Variants in ZNF536 observed in about 807,000 individuals in gnomAD.
ZNF536 encodes zinc finger protein 536.
ZNF536 carries 13 observed loss-of-function variants against 84.5 expected under a neutral mutation model. The observed-to-expected ratio is 0.15, with a 90% confidence interval of 0.10 to 0.24. The LOEUF (loss-of-function observed/expected upper bound fraction) is 0.24. Among genes scored for constraint, ZNF536 ranks in the 10% least tolerant of loss-of-function variants. The pLI, the probability that ZNF536 is intolerant of heterozygous loss-of-function variation, is 1.00. For missense variants in ZNF536, 1,536 were observed against 1,747.5 expected, an observed-to-expected ratio of 0.88 and a Z score of 2.16; for synonymous variants, 811 against 742.5, an observed-to-expected ratio of 1.09 and a Z score of -1.50.
chr19:30,528,043 A>T (rs551868194), intron 2 of ZNF536, among the ~76,000 whole-genome samples: 1 of 152,302 alleles, frequency 6.6e-6, no homozygotes, highest in South Asian at 2.1e-4. Flanking sequence ...GAATTAACTG[A>T]CAACTCATCT....
At chr19:30,289,436 A>G (rs2045756990) in intron 2 of ZNF536, among the ~76,000 whole-genome samples, 1 of 151,836 alleles carries the variant, frequency 6.6e-6, no homozygotes, top group Admixed American at 6.6e-5. Flanking sequence ...ATCACTGACC[A>G]CTCCAAGGAG....
At chr19:30,638,181 G>A (rs957247513) in intron 1 of ZNF536, among the ~76,000 whole-genome samples, 22 of 152,226 alleles carry the variant, frequency 1.4e-4, no homozygotes, top group Non-Finnish European at 1.0e-4. Flanking sequence ...CCAGGCCAGG[G>A]TGGCTGGTCT....
At chr19:30,629,676 C>A (rs1425094724) in intron 1 of ZNF536, among the ~76,000 whole-genome samples, 1 of 152,238 alleles carries the variant, frequency 6.6e-6, no homozygotes, top group African/African-American at 2.4e-5. Flanking sequence ...GGTGCTATGA[C>A]CTGTCCCTCA....
At chr19:30,459,286 T>C (rs2148403156) in intron 2 of ZNF536, among the ~76,000 whole-genome samples, 1 of 151,882 alleles carries the variant, frequency 6.6e-6, no homozygotes, top group Non-Finnish European at 1.5e-5. Context: ...GGGTACATCT[T>C]TCTTTTTCTT....
intron 1 of ZNF536, among the ~76,000 whole-genome samples, chr19:30,672,421 C>T (rs2050594266): frequency 6.6e-6 from 1 of 152,176 alleles, no homozygotes; most frequent in Non-Finnish European, 1.5e-5. Flanking sequence ...AAACCAGATG[C>T]TAAGAGGGCT....
intron 1 of ZNF536, among the ~76,000 whole-genome samples, chr19:30,389,562 A>G (rs1275755907): frequency 3.3e-5 from 5 of 152,140 alleles, no homozygotes; most frequent in African/African-American, 1.2e-4. Context: ...GGGCTGTATT[A>G]TGGTGACACT....
chr19:30,471,026 G>T (rs187862171), intron 2 of ZNF536, among the ~76,000 whole-genome samples: 199 of 146,782 alleles, frequency 1.4e-3, no homozygotes, highest in African/African-American at 4.6e-3. Context: ...TCGCTATGTT[G>T]CCCAGGCTTA....
At chr19:30,342,900 TAG>T (rs1387788865) in intron 2 of ZNF536, among the ~76,000 whole-genome samples, 2 of 152,222 alleles carry the variant, frequency 1.3e-5, no homozygotes, top group African/African-American at 4.8e-5. Context: ...ATAAAGGCGG[TAG>T]AGAGGTCAAC....
At chr19:30,570,527 A>G (rs1244957703) in intron 1 of ZNF536, among the ~76,000 whole-genome samples, 4 of 152,210 alleles carry the variant, frequency 2.6e-5, no homozygotes, top group Admixed American at 1.3e-4. Context: ...GTCACTCAGC[A>G]TAAGTACCAA....
intron 2 of ZNF536, among the ~76,000 whole-genome samples, chr19:30,501,917 G>C (rs2054966063): frequency 6.6e-6 from 1 of 152,166 alleles, no homozygotes; most frequent in South Asian, 2.1e-4. Context: ...AGGCATAAAT[G>C]GGCTAAGGGA....
chr19:30,418,478 A>G (rs1311626600), intron 1 of ZNF536, among the ~76,000 whole-genome samples: 2 of 152,244 alleles, frequency 1.3e-5, no homozygotes, highest in Admixed American at 1.3e-4. Context: ...TTAGACTTCT[A>G]GGGTTTTTTG....
At chr19:30,439,048 T>C (rs1276324738) in intron 1 of ZNF536, among the ~76,000 whole-genome samples, 1 of 152,134 alleles carries the variant, frequency 6.6e-6, no homozygotes, top group African/African-American at 2.4e-5. Flanking sequence ...ATTCAATCCT[T>C]TAACAGTAGG....
chr19:30,667,614 GT>G (rs918704605), intron 1 of ZNF536, among the ~76,000 whole-genome samples: 4 of 136,068 alleles, frequency 2.9e-5, no homozygotes, highest in Non-Finnish European at 4.7e-5. Flanking sequence ...CTCAGCTAGA[GT>G]TTTTTCTAGC....
chr19:30,500,268 T>C (rs1343083046), intron 2 of ZNF536, among the ~76,000 whole-genome samples: 10 of 152,224 alleles, frequency 6.6e-5, no homozygotes, highest in Admixed American at 4.6e-4. Context: ...CTCCTGGTTC[T>C]AGAATCTCAG....
chr19:30,608,389 G>A (rs1047505807), intron 1 of ZNF536, among the ~76,000 whole-genome samples: 1 of 151,996 alleles, frequency 6.6e-6, no homozygotes, highest in African/African-American at 2.4e-5. Context: ...TGTTTTTCAT[G>A]GGCATCTGCA....
chr19:30,292,823 T>G lies in ZNF536; in HGVS notation c.-120+8682T>G, dbSNP rs145183013. Reference sequence around the variant, plus strand: ...AAATTCTAAGACCCACGCCTTATGTTGCATGGCAAGATGAGCTTTCAACTC... The same window carrying G: ...AAATTCTAAGACCCACGCCTTATGTGGCATGGCAAGATGAGCTTTCAACTC... On this transcript the variant is annotated intron_variant, in intron 2 of 5. Transcript: ENST00000585628. Among the ~76,000 whole-genome samples, 345 of 152,352 alleles carry G rather than the reference T, an allele frequency of 2.3e-3. 1 individual carries two copies. Among genetic ancestry groups the G allele is most frequent in the Non-Finnish European group, 3.8e-3 (257 of 68,034 alleles).
chr19:30,601,480 AG>A lies in ZNF536; in HGVS notation c.169+51968del, dbSNP rs2047682426. 2.0e-5 allele frequency among the ~76,000 whole-genome samples: 3 copies of A among 152,148 alleles called. No individual in the cohort carries two copies. The South Asian group carries it at 6.2e-4, about 31-fold the overall frequency. On this transcript the variant is annotated intron_variant, in intron 1 of 1. Transcript: ENST00000592773. ...CTGTCTGAGGTCTCTGGGCTACGCTAGGAGGGCCCACATATGGCTTCAGGGA... is the reference window on the plus strand; with the variant it reads ...CTGTCTGAGGTCTCTGGGCTACGCTAGAGGGCCCACATATGGCTTCAGGGA...
In ZNF536 at chr19:30,294,563, G is replaced by A. The variant is rs1382911646; in HGVS notation, c.-120+10422G>A. Among the ~76,000 whole-genome samples the A allele has an allele frequency of 3.3e-3, 503 of 150,404 alleles. 1 individual carries two copies. The highest frequency in any genetic ancestry group is 0.014 in the Middle Eastern group (4 of 292). ...TAGGCCCCAATATGTGTGTGTGTGT[G>A]TGTGTGTGTGTGTGTGTGTGTGTGT... On this transcript the variant is annotated intron_variant, in intron 2 of 5. Transcript: ENST00000585628.
At chr19:30,282,962 C>T (rs2045503754) in intron 1 of ZNF536, among the ~76,000 whole-genome samples, 1 of 152,156 alleles carries the variant, frequency 6.6e-6, no homozygotes, top group Non-Finnish European at 1.5e-5. Flanking sequence ...CCTGAGAAAA[C>T]ACTTTTCGAG....
Sources: allele counts gnomAD v4.1 joint callset (sites outside exome capture counted in the v4.1 genomes callset), GRCh38; gene constraint gnomAD v4.1.1; transcripts MANE v1.5; gene names NCBI Gene and HGNC (gene_info 2026-07-23, HGNC 2026-07-21).